Variants in ARMH1 observed in about 807,000 individuals in gnomAD.
ARMH1 encodes armadillo like helical domain containing 1.
ARMH1 carries 34 observed loss-of-function variants against 50.2 expected under a neutral mutation model. That is an observed-to-expected ratio of 0.68 (90% CI 0.51 to 0.90). The LOEUF (loss-of-function observed/expected upper bound fraction) is 0.90. Ranked by LOEUF, ARMH1 falls within the 40% of genes least tolerant of loss-of-function variation. The pLI, the probability that ARMH1 is intolerant of heterozygous loss-of-function variation, is 0.00. For missense variants in ARMH1, 538 were observed against 553.9 expected, an observed-to-expected ratio of 0.97 and a Z score of 0.29; for synonymous variants, 221 against 224.2, an observed-to-expected ratio of 0.99 and a Z score of 0.13.
At chr1:44,709,608 G>C (rs1229377265) in intron 6 of ARMH1, among the ~76,000 whole-genome samples, 3 of 151,818 alleles carry the variant, frequency 2.0e-5, no homozygotes, top group Admixed American at 6.6e-5. Flanking sequence ...GGAGGTGGAG[G>C]TTGCAGTGAG....
intron 2 of ARMH1, among the ~76,000 whole-genome samples, chr1:44,691,230 C>T (rs111335483): frequency 0.038 from 5,796 of 151,994 alleles, 230 homozygotes; most frequent in Admixed American, 0.084. Context: ...TGTACTCCAG[C>T]CTGGGCCACA....
At chr1:44,722,826 G>A (rs1448117425) in intron 6 of ARMH1, among the ~76,000 whole-genome samples, 2 of 150,676 alleles carry the variant, frequency 1.3e-5, no homozygotes, top group South Asian at 2.1e-4. Context: ...TTGGGAGGCC[G>A]AGGCGCGTGG....
chr1:44,700,970 A>T lies in ARMH1; in HGVS notation c.490A>T (p.Thr164Ser). 1 of 1,551,576 alleles carries T rather than the reference A, an allele frequency of 6.4e-7. No homozygotes were observed. The highest frequency in any genetic ancestry group is 8.7e-7 in the Non-Finnish European group (1 of 1,146,980). ...TTTGGCAAAGTCTAAGTCAGAAGAG[A>T]CCCAGGAGGAAGTGCAGGTTCTGTT... ...EFLAKSKSEE[T>S]QEEVQVLLDS... Residue 164 changes from threonine (T) to serine (S), a missense_variant, in exon 5 of 12, where the codon ACC becomes TCC. Thr to Ser is a moderately conservative substitution (Grantham distance 58). Transcript: ENST00000535358.
chr1:44,712,641 C>G (rs920545740), intron 6 of ARMH1, among the ~76,000 whole-genome samples: 1 of 149,922 alleles, frequency 6.7e-6, no homozygotes, highest in Non-Finnish European at 1.5e-5. Flanking sequence ...CAGGGTTAAG[C>G]AAATACATCA....
At chr1:44,680,166 AGTTT>A (rs3044192) in intron 1 of ARMH1, among the ~76,000 whole-genome samples, 15,065 of 151,858 alleles carry the variant, frequency 0.099, 809 homozygotes, top group Middle Eastern at 0.16. Context: ...ATTGGGGCCA[AGTTT>A]GTTTGTTTGT....
chr1:44,723,007 G>A (rs537786058), intron 6 of ARMH1, among the ~76,000 whole-genome samples: 3 of 151,142 alleles, frequency 2.0e-5, no homozygotes, highest in Admixed American at 6.6e-5. Context: ...CCCAGGAGGC[G>A]GAGGTTGCAG....
rs1254119657 is a variant in ARMH1 at position 44,697,179 on chromosome 1, T to C, written c.275+9T>C. ...TTATCAGCTGTAAGCAGGTGAGTTCTGTTCTAGCGTGATTCTGGGGGTCTC... is the reference window on the plus strand; with the variant it reads ...TTATCAGCTGTAAGCAGGTGAGTTCCGTTCTAGCGTGATTCTGGGGGTCTC... On this transcript the variant is annotated intron_variant, in intron 3 of 11. Transcript: ENST00000535358. The C allele has an allele frequency of 1.9e-6, 3 of 1,549,410 alleles. No individual in the cohort carries two copies. Among genetic ancestry groups the C allele is most frequent in the Non-Finnish European group, 2.6e-6 (3 of 1,144,640 alleles).
rs1171417879 is a variant in ARMH1 at position 44,724,255 on chromosome 1, G to C, written c.847+11G>C. ...CCAAGATCCTCAGTGGTAAGGACCT[G>C]CTCAAATGGGGCTGCCTGGGCCACG... On this transcript the variant is annotated intron_variant, in intron 7 of 11. Transcript: ENST00000535358. This position sits in a 1 kb window ranked among gnomAD's most constrained non-coding sequence, Gnocchi z 6.4. The C allele has an allele frequency of 1.9e-6, 3 of 1,551,390 alleles. No individual in the cohort carries two copies. Among genetic ancestry groups the C allele is most frequent in the East Asian group, 2.4e-5 (1 of 40,930 alleles).
chr1:44,717,857 C>CG (rs528490406), intron 6 of ARMH1, among the ~76,000 whole-genome samples: 13 of 152,160 alleles, frequency 8.5e-5, no homozygotes, highest in Non-Finnish European at 1.5e-4. Context: ...GTAACTAGCA[C>CG]GATATATAAA....
chr1:44,698,546 C>T (rs959606157), intron 4 of ARMH1, among the ~76,000 whole-genome samples: 26 of 152,162 alleles, frequency 1.7e-4, no homozygotes, highest in African/African-American at 5.6e-4. Context: ...CGCGGTGGCT[C>T]ACACCTGTAA....
At chr1:44,712,668 CTT>C (rs1016685704) in intron 6 of ARMH1, among the ~76,000 whole-genome samples, 4 of 138,914 alleles carry the variant, frequency 2.9e-5, no homozygotes, top group Admixed American at 7.3e-5. Flanking sequence ...CTTCTTTTTT[CTT>C]TTTTTTTTTT....
rs576335678 is a variant in ARMH1 at position 44,683,159 on chromosome 1, G to A, written c.-22-6517G>A. ...ACAGTTCAGATGAGGGCAAGGGAGA[G>A]GAATAAGTCAAAGACAACTTTTGGC... On this transcript the variant is annotated intron_variant, in intron 1 of 11. Transcript: ENST00000535358. The surrounding 1 kb of genome is among the most constrained non-coding windows in gnomAD (Gnocchi z 4.2). 2.6e-5 allele frequency among the ~76,000 whole-genome samples: 4 copies of A among 152,298 alleles called. No homozygotes were observed. Among genetic ancestry groups the A allele is most frequent in the African/African-American group, 9.6e-5 (4 of 41,568 alleles).
At chr1:44,689,518 C>T (rs1283590131) in intron 1 of ARMH1, among the ~76,000 whole-genome samples, 158 bp from the exon 2 acceptor site, 7 of 152,166 alleles carry the variant, frequency 4.6e-5, no homozygotes, top group African/African-American at 2.4e-5. Flanking sequence ...CCTCCCTGTT[C>T]AAGCAGCAGG....
intron 6 of ARMH1, among the ~76,000 whole-genome samples, chr1:44,716,836 G>A (rs909829211): frequency 6.6e-5 from 10 of 151,298 alleles, no homozygotes; most frequent in African/African-American, 1.9e-4. Flanking sequence ...TTTGGAATCC[G>A]AACTATTCTT....
chr1:44,724,901 C>A lies in ARMH1; in HGVS notation c.1128+62C>A. 1 of 1,520,264 alleles carries A rather than the reference C, an allele frequency of 6.6e-7. No individual in the cohort carries two copies. Among genetic ancestry groups the A allele is most frequent in the Non-Finnish European group, 8.8e-7 (1 of 1,136,138 alleles). 94.2% of individuals were successfully genotyped at this position (1,520,264 alleles called of 1,614,324 possible). A position where few individuals can be genotyped will look rare whatever the true frequency, so the allele number is the denominator to read the frequency against. ...ATGGCGGCTCGGACAGTGTGATGCC[C>A]CTTCAGACAGTCCCCATCCTGGAGC... On this transcript the variant is annotated intron_variant, in intron 10 of 11. Transcript: ENST00000535358. This position sits in a 1 kb window ranked among gnomAD's most constrained non-coding sequence, Gnocchi z 6.4.
intron 2 of ARMH1, among the ~76,000 whole-genome samples, chr1:44,692,344 AT>A (rs1458777528): frequency 6.6e-6 from 1 of 152,190 alleles, no homozygotes; most frequent in Non-Finnish European, 1.5e-5. Context: ...CAGGAAGCCC[AT>A]TTCTGAGTCC....
At chr1:44,675,488 T>C (rs1645105739) in intron 1 of ARMH1, among the ~76,000 whole-genome samples, 1 of 151,348 alleles carries the variant, frequency 6.6e-6, no homozygotes, top group Non-Finnish European at 1.5e-5. Context: ...GAGACCTTCA[T>C]CTCTACAAAA....
At chr1:44,697,635 C>G (rs1454429712) in intron 3 of ARMH1, among the ~76,000 whole-genome samples, 1 of 152,126 alleles carries the variant, frequency 6.6e-6, no homozygotes, top group African/African-American at 2.4e-5. Context: ...AAAAACAGAG[C>G]AGATCCTTTC....
At chr1:44,679,038 A>G (rs764784789) in intron 1 of ARMH1, among the ~76,000 whole-genome samples, 3 of 152,234 alleles carry the variant, frequency 2.0e-5, no homozygotes, top group Non-Finnish European at 4.4e-5. Context: ...GAAATTAAAA[A>G]CAAAGAGTCC....
Sources: gnomAD v4.1 joint callset for allele counts (sites outside exome capture counted in the v4.1 genomes callset) on GRCh38, gnomAD v4.1.1 for gene constraint, Gnocchi (gnomAD v3.1) non-coding constraint, MANE v1.5 for transcripts, NCBI Gene and HGNC (gene_info 2026-07-23, HGNC 2026-07-21) for gene names.